AKAP10: variants seen among roughly 807,000 people sequenced by gnomAD.
AKAP10 encodes the protein A-kinase anchor protein 10, mitochondrial.
In AKAP10, 24 loss-of-function variants were observed where a neutral mutation model predicts 80.8. The observed-to-expected ratio is 0.30, with a 90% CI of 0.22 to 0.42. The LOEUF (loss-of-function observed/expected upper bound fraction) is 0.42. Ranked by LOEUF, AKAP10 falls within the 10% of genes least tolerant of loss-of-function variation. The pLI is 1.00. For synonymous variants in AKAP10, 291 were observed against 277.7 expected (o/e 1.05, Z -0.48); for missense variants, 661 against 794.9 (o/e 0.83, Z 2.03).
At chr17:19,960,717 G>C (rs963276112) in intron 3 of AKAP10, among the ~76,000 whole-genome samples, 1 of 152,140 alleles carries the variant, frequency 6.6e-6, no homozygotes, top group South Asian at 2.1e-4. Context: ...TATGGTAATT[G>C]CATGTTTCAC....
At chr17:19,913,421 G>A (rs917611166) in intron 12 of AKAP10, among the ~76,000 whole-genome samples, 3 of 151,524 alleles carry the variant, frequency 2.0e-5, no homozygotes, top group African/African-American at 4.9e-5. Context: ...CAACGTGCTG[G>A]GATTATAGGC....
chr17:19,926,250 A>C (rs1050173070), intron 10 of AKAP10, among the ~76,000 whole-genome samples: 4 of 151,978 alleles, frequency 2.6e-5, no homozygotes, highest in Non-Finnish European at 4.4e-5. Context: ...AAAGAACATG[A>C]CAATATTCAA....
intron 7 of AKAP10, 51 bp downstream of exon 7, chr17:19,940,836 G>C (rs750490081): frequency 2.0e-6 from 3 of 1,528,674 alleles, no homozygotes; most frequent in Non-Finnish European, 2.6e-6. Flanking sequence ...AGCATTGATA[G>C]TTAGAGGCTG....
chr17:19,975,639 G>A (rs2043555397), intron 1 of AKAP10, among the ~76,000 whole-genome samples: 1 of 152,194 alleles, frequency 6.6e-6, no homozygotes, highest in African/African-American at 2.4e-5. Context: ...TGGAGCGAAA[G>A]GGAGAAGAGA....
rs1567765522 is a variant in AKAP10, at chr17:19,946,239, AT to A, written c.976+1167del. Reference sequence around the variant, plus strand: ...TATATATTTTATATATATATATATTATATATATATATATATATATATATATA... The same window carrying A: ...TATATATTTTATATATATATATATTAATATATATATATATATATATATATA... On this transcript the variant is annotated intron_variant, in intron 5 of 14. Coordinates refer to ENST00000225737, the MANE Select transcript of AKAP10 (RefSeq NM_007202.4). Among the ~76,000 whole-genome samples, 16 of 7,744 alleles carry A rather than the reference AT, an allele frequency of 2.1e-3. 2 individuals carry two copies. The highest frequency in any genetic ancestry group is 9.0e-3 in the African/African-American group (15 of 1,670). 5.1% of individuals were successfully genotyped at this position (7,744 alleles called of 152,430 possible).
rs141355495 is a variant in AKAP10 at position 19,931,872 on chromosome 17, G to C, written c.1574C>G (p.Thr525Ser). 158 of 1,614,164 alleles carry C rather than the reference G, an allele frequency of 9.8e-5. No individual in the cohort carries two copies. In the African/African-American group the frequency reaches 1.9e-3, roughly 19 times the overall value. Residue 525 changes from threonine to serine, a missense_variant, in exon 10 of 15, where the codon ACT (threonine) becomes AGT (serine). Thr to Ser is a moderately conservative substitution (Grantham distance 58). Transcript: ENST00000225737. ...AGGAGGGCCAACAGAGCCAGGAGCA[G>C]TCAGCGACACGTTCCCGCCCAGAAA... ...DEFLGGNVSL[T>S]APGSVGPPDE... is the part of the protein sequence containing the mutation.
intron 1 of AKAP10, among the ~76,000 whole-genome samples, chr17:19,977,063 T>C (rs1055915162): frequency 6.6e-6 from 1 of 152,206 alleles, no homozygotes; most frequent in Non-Finnish European, 1.5e-5. Flanking sequence ...TCATCAAAAG[T>C]AGTGGTCTTC....
At chr17:19,956,876 C>T (rs1364936508) in intron 4 of AKAP10, among the ~76,000 whole-genome samples, 1 of 151,502 alleles carries the variant, frequency 6.6e-6, no homozygotes, top group Non-Finnish European at 1.5e-5. Flanking sequence ...TGGTGGCGGG[C>T]GCCTGTAATC....
intron 13 of AKAP10, 48 bp downstream of exon 13, chr17:19,909,878 G>T: frequency 6.4e-7 from 1 of 1,573,826 alleles, no homozygotes; most frequent in Non-Finnish European, 8.7e-7. Flanking sequence ...CTTACATGAG[G>T]GTGGCACTTA....
intron 2 of AKAP10, among the ~76,000 whole-genome samples, chr17:19,967,204 A>G (rs1230696307): frequency 6.6e-6 from 1 of 152,224 alleles, no homozygotes; most frequent in Non-Finnish European, 1.5e-5. Context: ...TTCCCACTTC[A>G]ATCTCTGTAC....
At chr17:19,923,209 C>G (rs1287343284) in intron 11 of AKAP10, among the ~76,000 whole-genome samples, 1 of 151,966 alleles carries the variant, frequency 6.6e-6, no homozygotes, top group East Asian at 2.0e-4. Flanking sequence ...TCCGGAGTAG[C>G]TGGGACTACA....
chr17:19,952,347 C>T (rs909870036), intron 4 of AKAP10, among the ~76,000 whole-genome samples: 1 of 151,758 alleles, frequency 6.6e-6, no homozygotes, highest in Non-Finnish European at 1.5e-5. Flanking sequence ...GCCTGTAATC[C>T]CAGCTACTTG....
chr17:19,946,241 AT>A lies in AKAP10; in HGVS notation c.976+1165del, dbSNP rs1446597536. ...TATATTTTATATATATATATATTAT[AT>A]ATATATATATATATATATATATATA... On this transcript the variant is annotated intron_variant, in intron 5 of 14. Coordinates refer to ENST00000225737, the MANE Select transcript of AKAP10 (RefSeq NM_007202.4). 0.012 allele frequency among the ~76,000 whole-genome samples: 125 copies of A among 10,734 alleles called. 11 individuals are homozygous for A. The East Asian group carries it at 0.16, about 14-fold the overall frequency. The allele number at this position is 10,734 out of a possible 152,430, so 7.0% of individuals were successfully genotyped here. A position where few individuals can be genotyped will look rare whatever the true frequency, so the allele number is the denominator to read the frequency against.
intron 7 of AKAP10, among the ~76,000 whole-genome samples, chr17:19,940,286 G>A (rs1455633083): frequency 6.6e-6 from 1 of 152,166 alleles, no homozygotes; most frequent in Non-Finnish European, 1.5e-5. Flanking sequence ...AATCAACTGA[G>A]TACCTGTATT....
At chr17:19,920,898 G>C (rs892137723) in intron 11 of AKAP10, among the ~76,000 whole-genome samples, 11 of 113,928 alleles carry the variant, frequency 9.7e-5, no homozygotes, top group African/African-American at 3.6e-4. Context: ...AAAAAATACA[G>C]TAAGGGTCTT....
chr17:19,972,456 G>C (rs999206265), intron 1 of AKAP10, among the ~76,000 whole-genome samples: 4 of 151,716 alleles, frequency 2.6e-5, no homozygotes, highest in Non-Finnish European at 5.9e-5. Flanking sequence ...TTTTTGCTTT[G>C]TTTTGTTTTG....
chr17:19,914,369 G>A (rs2042722087), intron 12 of AKAP10, among the ~76,000 whole-genome samples: 1 of 152,108 alleles, frequency 6.6e-6, no homozygotes, highest in African/African-American at 2.4e-5. Flanking sequence ...TAAGAAAATA[G>A]GCCAGGAGTA....
chr17:19,922,998 C>G (rs1385662313), intron 11 of AKAP10, among the ~76,000 whole-genome samples: 1 of 152,250 alleles, frequency 6.6e-6, no homozygotes, highest in Non-Finnish European at 1.5e-5. Flanking sequence ...TATGTAAGGT[C>G]TTAAATAAAT....
chr17:19,946,236 ATTATATATATAT>A lies in AKAP10; in HGVS notation c.976+1159_976+1170del, dbSNP rs1422210057. ...ATATATATATTTTATATATATATAT[ATTATATATATAT>A]ATATATATATATATATATATATATA... On this transcript the variant is annotated intron_variant, in intron 5 of 14. Coordinates refer to ENST00000225737, the MANE Select transcript of AKAP10 (RefSeq NM_007202.4). Among the ~76,000 whole-genome samples, 178 of 22,768 alleles carry A rather than the reference ATTATATATATAT, an allele frequency of 7.8e-3. 11 individuals carry two copies. The highest frequency in any genetic ancestry group is 0.023 in the African/African-American group (157 of 6,762). 14.9% of individuals were successfully genotyped at this position (22,768 alleles called of 152,430 possible). A position where few individuals can be genotyped will look rare whatever the true frequency, so the allele number is the denominator to read the frequency against.
Sources: gnomAD v4.1 joint callset for allele counts (sites outside exome capture counted in the v4.1 genomes callset) on GRCh38, gnomAD v4.1.1 for gene constraint, MANE v1.5 for transcripts, NCBI Gene and HGNC (gene_info 2026-07-23, HGNC 2026-07-21) for gene names.